The following RPS6KC1 variants were observed in gnomAD, a reference collection of about 807,000 sequenced individuals.
RPS6KC1 encodes inactive ribosomal protein S6 kinase delta-1.
In RPS6KC1, 54 loss-of-function variants were observed where a neutral mutation model predicts 103.8. That is an observed-to-expected ratio of 0.52 (90% confidence interval 0.42 to 0.65). The LOEUF is 0.65. Ranked by LOEUF, RPS6KC1 falls within the 30% of genes least tolerant of loss-of-function variation. The pLI, the probability that RPS6KC1 is intolerant of heterozygous loss-of-function variation, is 0.00. For synonymous variants in RPS6KC1, 439 were observed against 438.7 expected (o/e 1.00, Z -0.01); for missense variants, 1,151 against 1,253.8 (o/e 0.92, Z 1.24).
intron 1 of RPS6KC1, among the ~76,000 whole-genome samples, chr1:213,061,088 G>C (rs1318287787): frequency 6.6e-6 from 1 of 152,066 alleles, no homozygotes; most frequent in African/African-American, 2.4e-5. Context: ...TCTTTTTCTT[G>C]TAAGCGCAGT....
the RPS6KC1 span, among the ~76,000 whole-genome samples, chr1:213,642,206 G>A: frequency 6.6e-6 from 1 of 152,060 alleles, no homozygotes; most frequent in Non-Finnish European, 1.5e-5. Flanking sequence ...CTTATTGCTA[G>A]TTTGATAGTA....
chr1:213,576,657 C>G, the RPS6KC1 span, among the ~76,000 whole-genome samples: 1 of 152,216 alleles, frequency 6.6e-6, no homozygotes, highest in Non-Finnish European at 1.5e-5. Flanking sequence ...CTCAGGCCAC[C>G]CTATTCCTGG....
the RPS6KC1 span, among the ~76,000 whole-genome samples, chr1:213,535,789 T>C: frequency 0.097 from 14,799 of 152,144 alleles, 839 homozygotes; most frequent in Non-Finnish European, 0.12. Context: ...CGTCTCTTCC[T>C]GTGGCTCTCT....
the RPS6KC1 span, among the ~76,000 whole-genome samples, chr1:213,808,895 C>A: frequency 2.0e-5 from 3 of 152,194 alleles, no homozygotes; most frequent in Non-Finnish European, 4.4e-5. Context: ...AGCTATAGAC[C>A]GGAGCTGTTC....
At chr1:213,366,870 T>C in the RPS6KC1 span, among the ~76,000 whole-genome samples, 2 of 152,228 alleles carry the variant, frequency 1.3e-5, no homozygotes, top group Admixed American at 6.5e-5. Context: ...AAATCTGTCT[T>C]TCTGTATCTT....
chr1:213,215,974 C>T (rs1434567017), intron 8 of RPS6KC1, among the ~76,000 whole-genome samples: 6 of 152,250 alleles, frequency 3.9e-5, no homozygotes, highest in Admixed American at 6.5e-5. Context: ...CATCAACTAA[C>T]GAGCAAAATA....
At chr1:213,113,373 G>A (rs975962714) in intron 4 of RPS6KC1, among the ~76,000 whole-genome samples, 2 of 152,170 alleles carry the variant, frequency 1.3e-5, no homozygotes, top group Non-Finnish European at 2.9e-5. Context: ...TTTGAGAAGT[G>A]TCTGTTCTTG....
At chr1:213,621,980 A>G in the RPS6KC1 span, among the ~76,000 whole-genome samples, 3 of 152,108 alleles carry the variant, frequency 2.0e-5, no homozygotes, top group Non-Finnish European at 4.4e-5. Context: ...TTAGCCCTGT[A>G]TGCCCCTTCC....
At chr1:213,417,774 T>C in the RPS6KC1 span, among the ~76,000 whole-genome samples, 304 of 152,264 alleles carry the variant, frequency 2.0e-3, 2 homozygotes, top group Middle Eastern at 6.8e-3. Context: ...GAGGTTGCTC[T>C]TTTTCTGGAC....
intron 6 of RPS6KC1, among the ~76,000 whole-genome samples, chr1:213,144,531 G>A (rs976995945): frequency 6.6e-6 from 1 of 152,012 alleles, no homozygotes; most frequent in Non-Finnish European, 1.5e-5. Context: ...GGGATTATAG[G>A]TGTGAGCCAC....
chr1:213,135,869 T>G (rs1226335112), intron 6 of RPS6KC1, among the ~76,000 whole-genome samples: 1 of 152,288 alleles, frequency 6.6e-6, no homozygotes, highest in African/African-American at 2.4e-5. Flanking sequence ...TTCTCAATAT[T>G]CACAAATGAA....
rs756919339 is a variant in RPS6KC1, at chr1:213,058,059, CTTTT to C, written c.105+6573_105+6576del. Among the ~76,000 whole-genome samples, 949 of 111,876 alleles carry C rather than the reference CTTTT, an allele frequency of 8.5e-3. 17 individuals are homozygous for C. Among genetic ancestry groups the C allele is most frequent in the African/African-American group, 0.035 (896 of 25,304 alleles). 73.4% of individuals were successfully genotyped at this position (111,876 alleles called of 152,430 possible). On this transcript the variant is annotated intron_variant, in intron 1 of 14. Coordinates refer to ENST00000366960, the MANE Select transcript of RPS6KC1 (RefSeq NM_012424.6). ...CTGGGATTACAGACGTGCGCCTGAC[CTTTT>C]TTTTTTTTTTTTTTTTTTTTTTAGA...
chr1:213,671,376 AG>A, the RPS6KC1 span, among the ~76,000 whole-genome samples: 1 of 147,730 alleles, frequency 6.8e-6, no homozygotes, highest in Admixed American at 6.7e-5. Context: ...TGGGGTGGGG[AG>A]GTGGAGGGGA....
chr1:213,144,941 G>C lies in RPS6KC1; in HGVS notation c.835+15052G>C, dbSNP rs562865977. 4.3e-4 allele frequency among the ~76,000 whole-genome samples: 66 copies of C among 152,198 alleles called. 2 individuals carry two copies. The highest frequency in any genetic ancestry group is 1.5e-3 in the African/African-American group (62 of 41,544). Reference sequence around the variant, plus strand: ...AATACAAAAATTAGCTGGGCATGGTGGTGGGTGCCTGTAATCCCACCTACT... The same window carrying C: ...AATACAAAAATTAGCTGGGCATGGTCGTGGGTGCCTGTAATCCCACCTACT... On this transcript the variant is annotated intron_variant, in intron 6 of 14. Transcript: ENST00000366960.
chr1:213,811,101 C>T, the RPS6KC1 span, among the ~76,000 whole-genome samples: 1 of 152,212 alleles, frequency 6.6e-6, no homozygotes, highest in Non-Finnish European at 1.5e-5. Flanking sequence ...TTATAGCACT[C>T]TACTTACAAC....
the RPS6KC1 span, among the ~76,000 whole-genome samples, chr1:213,645,881 T>C: frequency 6.6e-6 from 1 of 152,130 alleles, no homozygotes; most frequent in Non-Finnish European, 1.5e-5. Flanking sequence ...CCTCCCATGA[T>C]CTTGAACTGG....
At chr1:213,407,291 C>T in the RPS6KC1 span, among the ~76,000 whole-genome samples, 4 of 152,010 alleles carry the variant, frequency 2.6e-5, no homozygotes, top group Non-Finnish European at 5.9e-5. Context: ...GCACAAAGGG[C>T]GGCATGATTC....
the RPS6KC1 span, among the ~76,000 whole-genome samples, chr1:213,393,936 A>T: frequency 6.6e-6 from 1 of 152,144 alleles, no homozygotes; most frequent in South Asian, 2.1e-4. Flanking sequence ...CTGAGGATTA[A>T]TCTCTGAGAA....
At chr1:213,370,635 G>A in the RPS6KC1 span, among the ~76,000 whole-genome samples, 1 of 152,314 alleles carries the variant, frequency 6.6e-6, no homozygotes, top group East Asian at 1.9e-4. Flanking sequence ...GAGGGCCGAG[G>A]AAACAAGGGA....
Sources: allele counts gnomAD v4.1 joint callset (sites outside exome capture counted in the v4.1 genomes callset), GRCh38; gene constraint gnomAD v4.1.1; transcripts MANE v1.5; gene names NCBI Gene and HGNC (gene_info 2026-07-23, HGNC 2026-07-21).